The following SLFN12 variants were observed in gnomAD, a reference collection of about 807,000 sequenced individuals.
SLFN12 encodes schlafen family member 12.
In SLFN12, 25 loss-of-function variants were observed where a neutral mutation model predicts 29.1. The observed-to-expected ratio is 0.86, with a 90% CI of 0.63 to 1.20. The LOEUF is 1.20. SLFN12 is among the 50% of genes most tolerant of loss of function. The probability of loss-of-function intolerance (pLI) is 0.00; values close to 1 mark genes in which losing one functional copy is unlikely to be tolerated. For missense variants in SLFN12, 660 were observed against 666.2 expected, an observed-to-expected ratio of 0.99 and a Z score of 0.10; for synonymous variants, 257 against 238.7, an observed-to-expected ratio of 1.08 and a Z score of -0.71.
At chr17:35,420,527 A>G (rs1241085367) in intron 2 of SLFN12, 146 bp from the exon 3 acceptor site, 1 of 539,534 alleles carries the variant, frequency 1.9e-6, no homozygotes, top group Non-Finnish European at 3.2e-6. Context: ...TTAGATTCTT[A>G]GGTCAGATAC....
At position 35,422,696 on chromosome 17, in the gene SLFN12, G is replaced by A. The variant is rs139837167; in HGVS notation, c.333C>T (p.Ser111=). 1,014 of 1,614,002 alleles carry A rather than the reference G, an allele frequency of 6.3e-4. 9 individuals are homozygous for A. The highest frequency in any genetic ancestry group is 8.2e-4 in the Non-Finnish European group (970 of 1,180,026). ...TAATCCGCAGACCAGAGGTGTTCAA[G>A]CTCCATGACTTCACAAAAATCAGAA... The part of the protein sequence containing the change: ...NYFLIFVKSW[S]LNTSGLRITT... The change falls in exon 2 of 4, where the codon AGC becomes AGT. Residue 111 remains serine (S), a synonymous_variant. Transcript: ENST00000304905.
intron 1 of SLFN12, among the ~76,000 whole-genome samples, chr17:35,427,175 G>A (rs1318154719): frequency 6.6e-6 from 1 of 152,176 alleles, no homozygotes; most frequent in Non-Finnish European, 1.5e-5. Context: ...ACCTTGCCAT[G>A]CAGGGCAAAA....
At chr17:35,411,968 G>C (rs1386015666) in intron 3 of SLFN12, 41 bp from the exon 4 acceptor site, 1 of 1,430,430 alleles carries the variant, frequency 7.0e-7, no homozygotes, top group African/African-American at 1.4e-5. Context: ...AAAACACTAG[G>C]AAGTTCCCAT....
chr17:35,422,601 A>G lies in SLFN12; in HGVS notation c.428T>C (p.Leu143Pro). ...SAKVMNATAALEFLKDMKKTR... is the reference protein window; with the variant it reads ...SAKVMNATAAPEFLKDMKKTR... The stretch of plus-strand genomic sequence containing the variant: ...CTTTTTCATGTCTTTGAGGAACTCC[A>G]GTGCAGCAGTGGCATTCATGACTTT... Residue 143 changes from leucine (L) to proline (P), a missense_variant, in exon 2 of 4, where the codon CTG (leucine) becomes CCG (proline). Leu to Pro is a moderately conservative substitution (Grantham distance 98, BLOSUM62 -3). Coordinates refer to ENST00000304905, the MANE Select transcript of SLFN12 (RefSeq NM_018042.5). 6.2e-7 allele frequency: 1 copy of G among 1,614,008 alleles called. No homozygotes were observed. The highest frequency in any genetic ancestry group is 8.5e-7 in the Non-Finnish European group (1 of 1,179,982).
intron 3 of SLFN12, among the ~76,000 whole-genome samples, chr17:35,415,667 A>G (rs1308993710): frequency 1.3e-5 from 2 of 152,154 alleles, no homozygotes; most frequent in African/African-American, 4.8e-5. Context: ...TCAGCAAGAA[A>G]AAAACAAAGA....
chr17:35,413,200 T>G (rs1280847754), intron 3 of SLFN12, among the ~76,000 whole-genome samples: 1 of 151,814 alleles, frequency 6.6e-6, no homozygotes, highest in African/African-American at 2.4e-5. Context: ...GATAAACAAT[T>G]ATAGTTTTTT....
chr17:35,420,487 C>T, intron 2 of SLFN12, 106 bp from the exon 3 acceptor site: 1 of 688,078 alleles, frequency 1.5e-6, no homozygotes, highest in Non-Finnish European at 2.3e-6. Flanking sequence ...ATTCTGTTTT[C>T]CAAAAAAAAA....
intron 3 of SLFN12, 141 bp downstream of exon 3, chr17:35,420,133 T>G (rs565485710): frequency 3.3e-6 from 2 of 615,076 alleles, no homozygotes; most frequent in Admixed American, 3.3e-5. Context: ...TTTGACAGAT[T>G]CAATGACTTA....
At chr17:35,423,811 T>C (rs964917198) in intron 1 of SLFN12, among the ~76,000 whole-genome samples, 14 of 152,266 alleles carry the variant, frequency 9.2e-5, no homozygotes, top group Non-Finnish European at 1.6e-4. Flanking sequence ...GAAGCCCTCA[T>C]GAATGAGATT....
In SLFN12 at chr17:35,422,292, T is replaced by C; in HGVS notation, c.737A>G (p.Glu246Gly). The C allele has an allele frequency of 3.1e-6, 5 of 1,613,900 alleles. No individual in the cohort carries two copies. The highest frequency in any genetic ancestry group is 4.2e-6 in the Non-Finnish European group (5 of 1,179,932). ...CATCTCTGCTTTAAAGCCAATTATT[T>C]CTTTATCTTCATTTAAACCAATGAA... is the stretch of plus-strand genomic sequence containing the variant. Reference protein sequence around the residue: ...YLFIGLNEDKEIIGFKAEMSD... With the variant: ...YLFIGLNEDKGIIGFKAEMSD... The change falls in exon 2 of 4, where the codon GAA (glutamate) becomes GGA (glycine). Residue 246 changes from glutamate (E) to glycine (G), a missense_variant. Physicochemically the swap from Glu to Gly is moderately conservative, Grantham distance 98. Transcript: ENST00000304905.
At chr17:35,431,501 C>A (rs1051599518) in intron 1 of SLFN12, among the ~76,000 whole-genome samples, 2 of 152,112 alleles carry the variant, frequency 1.3e-5, no homozygotes, top group Non-Finnish European at 2.9e-5. Context: ...GGGCTTAGTA[C>A]TAGGCCTAAG....
intron 1 of SLFN12, among the ~76,000 whole-genome samples, chr17:35,427,562 G>A (rs1311526791): frequency 6.6e-6 from 1 of 152,062 alleles, no homozygotes; most frequent in Non-Finnish European, 1.5e-5. Context: ...TTTGCAGTGG[G>A]AGAGTTGGTC....
intron 1 of SLFN12, among the ~76,000 whole-genome samples, chr17:35,428,476 T>G (rs972215441): frequency 2.6e-5 from 4 of 151,878 alleles, no homozygotes; most frequent in African/African-American, 9.7e-5. Flanking sequence ...TTTTTGGGGG[T>G]AAGAGGATGT....
intron 3 of SLFN12, among the ~76,000 whole-genome samples, chr17:35,418,143 G>A (rs1213635104): frequency 6.6e-6 from 1 of 152,006 alleles, no homozygotes; most frequent in African/African-American, 2.4e-5. Flanking sequence ...ATTAAAAATT[G>A]CCTAGACACT....
chr17:35,411,624 A>T lies in SLFN12; in HGVS notation c.1451T>A (p.Ile484Asn). The change falls in exon 4 of 4, where the codon ATT (isoleucine) becomes AAT (asparagine). Residue 484 changes from isoleucine (I) to asparagine (N), a missense_variant. Transcript: ENST00000304905. ...ACACACTTTTTTAGTGTAACCACCA[A>T]TTTTTGCCAGCTTCTGCTTTAAGGT... ...ALTLKQKLAK[I>N]GGYTKKVCVM... 7 of 1,613,976 alleles carry T rather than the reference A, an allele frequency of 4.3e-6. No individual in the cohort carries two copies. Among genetic ancestry groups the T allele is most frequent in the Non-Finnish European group, 5.9e-6 (7 of 1,179,980 alleles).
At chr17:35,421,833 C>T (rs1911675151) in intron 2 of SLFN12, among the ~76,000 whole-genome samples, 157 bp downstream of exon 2, 1 of 151,034 alleles carries the variant, frequency 6.6e-6, no homozygotes, top group African/African-American at 2.4e-5. Flanking sequence ...AGCCACCGCG[C>T]CTGGCCGAGG....
intron 3 of SLFN12, among the ~76,000 whole-genome samples, chr17:35,413,314 A>T (rs375753353): frequency 1.2e-4 from 18 of 152,254 alleles, no homozygotes; most frequent in East Asian, 9.6e-4. Flanking sequence ...AACTCATTTC[A>T]TGAGGTCAAC....
chr17:35,428,146 T>C (rs1326997154), intron 1 of SLFN12, among the ~76,000 whole-genome samples: 2 of 152,184 alleles, frequency 1.3e-5, no homozygotes, highest in African/African-American at 4.8e-5. Context: ...TGTATATATG[T>C]ACACACAGAG....
At chr17:35,430,348 G>C (rs1363664338) in intron 1 of SLFN12, 2 of 152,114 alleles carry the variant, frequency 1.3e-5, no homozygotes, top group Non-Finnish European at 2.9e-5. Context: ...TTGGGGCCAT[G>C]AGCTCAGTCC....
Sources: gnomAD v4.1 joint callset for allele counts (sites outside exome capture counted in the v4.1 genomes callset) on GRCh38, gnomAD v4.1.1 for gene constraint, MANE v1.5 for transcripts, NCBI Gene and HGNC (gene_info 2026-07-23, HGNC 2026-07-21) for gene names.